RP1: variants seen among roughly 807,000 people sequenced by gnomAD.
The protein encoded by RP1 is RP1 axonemal microtubule associated.
In RP1, 16 loss-of-function variants were observed where a neutral mutation model predicts 14.8. That is an observed-to-expected ratio of 1.08 (90% confidence interval 0.73 to 1.65). RP1 has a LOEUF of 1.65. RP1 is among the 40% of genes most tolerant of loss of function. The pLI is 0.00. For synonymous variants in RP1, 876 were observed against 883.6 expected (o/e 0.99, Z 0.15); for missense variants, 2,631 against 2,535.0 (o/e 1.04, Z -0.81).
chr8:54,807,405 G>T (rs1810879023), intron 24 of RP1, among the ~76,000 whole-genome samples: 1 of 152,148 alleles, frequency 6.6e-6, no homozygotes, highest in Non-Finnish European at 1.5e-5. Context: ...AAACATTCCA[G>T]AGCCTAGGTT....
At chr8:54,603,696 T>C (rs554853148) in intron 1 of RP1, among the ~76,000 whole-genome samples, 82 of 152,348 alleles carry the variant, frequency 5.4e-4, no homozygotes, top group African/African-American at 1.9e-3. Flanking sequence ...CATTTGTTTG[T>C]ATCCTCTTTT....
chr8:54,640,859 T>C (rs549783753), intron 3 of RP1, among the ~76,000 whole-genome samples: 94 of 152,196 alleles, frequency 6.2e-4, no homozygotes, highest in Non-Finnish European at 9.7e-4. Flanking sequence ...CAAACAACGG[T>C]GGCTAAGATT....
At chr8:54,863,213 AAC>A (rs1812389399) in intron 27 of RP1, among the ~76,000 whole-genome samples, 1 of 151,994 alleles carries the variant, frequency 6.6e-6, no homozygotes, top group African/African-American at 2.4e-5. Context: ...ATTGCAGTGA[AAC>A]ACATTACCTT....
intron 26 of RP1, chr8:54,856,997 T>C: frequency 1.4e-6 from 1 of 713,588 alleles, no homozygotes; most frequent in Non-Finnish European, 1.9e-6. Context: ...AATATCCTAA[T>C]GGTCACTGAG....
At chr8:54,671,462 T>C (rs1190450840) in intron 7 of RP1, among the ~76,000 whole-genome samples, 2 of 152,110 alleles carry the variant, frequency 1.3e-5, no homozygotes, top group African/African-American at 4.8e-5. Context: ...ATTCCCGTAA[T>C]GCATATGTTG....
chr8:54,705,577 A>AC (rs1808130756), intron 14 of RP1, among the ~76,000 whole-genome samples: 2 of 152,162 alleles, frequency 1.3e-5, no homozygotes, highest in Admixed American at 1.3e-4. Flanking sequence ...TATCTGGCTG[A>AC]CCCAAGCTCT....
chr8:54,631,294 T>C (rs1806241942), downstream of RP1, among the ~76,000 whole-genome samples: 1 of 152,174 alleles, frequency 6.6e-6, no homozygotes, highest in Admixed American at 6.5e-5. Flanking sequence ...TAAAAAAACA[T>C]TAAGTGATGC....
At position 54,630,286 on chromosome 8, in the gene RP1, T is replaced by C; in HGVS notation, c.6404T>C (p.Ile2135Thr). The C allele has an allele frequency of 1.9e-6, 3 of 1,613,756 alleles. No individual in the cohort carries two copies. Among genetic ancestry groups the C allele is most frequent in the Non-Finnish European group, 2.5e-6 (3 of 1,179,816 alleles). Residue 2135 changes from isoleucine to threonine, a missense_variant, in exon 4 of 4, where the codon ATT becomes ACT. Ile to Thr is a moderately conservative substitution (Grantham distance 89). Transcript: ENST00000220676. ...ATGTTTGAGGGTGAAAATCTTTTCA[T>C]TTGGGAAGAGGAAGACATATTAAAT... is the stretch of plus-strand genomic sequence containing the variant. Reference protein sequence around the residue: ...LCMFEGENLFIWEEEDILNLT... With the variant: ...LCMFEGENLFTWEEEDILNLT...
At chr8:54,704,272 C>A (rs1278401539) in intron 14 of RP1, among the ~76,000 whole-genome samples, 2 of 151,956 alleles carry the variant, frequency 1.3e-5, no homozygotes, top group Non-Finnish European at 2.9e-5. Context: ...ACTTAGAGGC[C>A]ATTATAGGGT....
chr8:54,787,640 T>C (rs959925438), intron 24 of RP1, among the ~76,000 whole-genome samples: 2 of 152,220 alleles, frequency 1.3e-5, no homozygotes, highest in African/African-American at 4.8e-5. Context: ...AAAAAGTTAG[T>C]GCTTATGCCG....
At chr8:54,565,443 T>C (rs1428649569) in intron 1 of RP1, among the ~76,000 whole-genome samples, 1 of 152,164 alleles carries the variant, frequency 6.6e-6, no homozygotes, top group African/African-American at 2.4e-5. Context: ...CATGCGCCTG[T>C]AATCCCATGT....
At chr8:54,819,119 G>A (rs80105091) in intron 24 of RP1, among the ~76,000 whole-genome samples, 5,967 of 151,530 alleles carry the variant, frequency 0.039, 150 homozygotes, top group African/African-American at 0.068. Context: ...TGCTTTTGAG[G>A]CTATTTTCTG....
chr8:54,828,484 C>A (rs1811438573), intron 24 of RP1, among the ~76,000 whole-genome samples: 1 of 152,154 alleles, frequency 6.6e-6, no homozygotes, highest in Non-Finnish European at 1.5e-5. Context: ...ACCATGTGAT[C>A]TCGGCAGGGC....
At chr8:54,838,773 A>G (rs1178965445) in intron 25 of RP1, among the ~76,000 whole-genome samples, 1 of 152,082 alleles carries the variant, frequency 6.6e-6, no homozygotes, top group African/African-American at 2.4e-5. Context: ...ACTAATACTC[A>G]TGATCTCTCA....
In RP1 at chr8:54,626,201, T is replaced by C; in HGVS notation, c.2319T>C (p.Leu773=). The C allele has an allele frequency of 6.2e-7, 1 of 1,610,148 alleles. No homozygotes were observed. Among genetic ancestry groups the C allele is most frequent in the East Asian group, 2.2e-5 (1 of 44,778 alleles). Residue 773 remains leucine, a synonymous_variant, in exon 4 of 4, where the codon CTT becomes CTC. Coordinates refer to ENST00000220676, the MANE Select transcript of RP1 (RefSeq NM_006269.2). The part of the protein sequence containing the change: ...NTTQNSKVQG[L]LTKRKSRSLN... ...CTCAAAATTCCAAGGTTCAAGGACT[T>C]TTAACCAAAAGAAAATCTAGATCAC...
chr8:54,838,470 T>C (rs1358047445), intron 25 of RP1, among the ~76,000 whole-genome samples: 4 of 152,192 alleles, frequency 2.6e-5, no homozygotes, highest in Admixed American at 1.3e-4. Context: ...TATGTGTTTG[T>C]GTGTATGCGA....
At chr8:54,661,280 A>G (rs1296616866) in intron 6 of RP1, among the ~76,000 whole-genome samples, 1 of 145,258 alleles carries the variant, frequency 6.9e-6, no homozygotes, top group Non-Finnish European at 1.5e-5. Context: ...AATGATATAT[A>G]TGATATATAA....
Position 54,626,419 on chromosome 8 carries a change from A to T in RP1, c.2537A>T (p.Tyr846Phe). The change falls in exon 4 of 4, where the codon TAT (tyrosine) becomes TTT (phenylalanine). Residue 846 changes from tyrosine to phenylalanine, a missense_variant. By Grantham distance (22) the Tyr-to-Phe change is conservative (BLOSUM62 3). Transcript: ENST00000220676. ...PQSQAEVASG[Y>F]LRGMAKKSLV... is the part of the protein sequence containing the mutation. ...TCTCAAGCAGAAGTGGCATCTGGGT[A>T]TTTGAGAGGAATGGCAAAGAAGAGT... 1 of 1,613,682 alleles carries T rather than the reference A, an allele frequency of 6.2e-7. No homozygotes were observed. Among genetic ancestry groups the T allele is most frequent in the Non-Finnish European group, 8.5e-7 (1 of 1,179,878 alleles).
At chr8:54,865,965 T>C in intron 28 of RP1, 1 of 821,692 alleles carries the variant, frequency 1.2e-6, no homozygotes, top group Non-Finnish European at 1.6e-6. Context: ...CTTTGTCCAA[T>C]TTATTCCACC....
Sources: gnomAD v4.1 joint callset for allele counts (sites outside exome capture counted in the v4.1 genomes callset) on GRCh38, gnomAD v4.1.1 for gene constraint, MANE v1.5 for transcripts, NCBI Gene and HGNC (gene_info 2026-07-23, HGNC 2026-07-21) for gene names.